Variants in FAM78B observed in about 807,000 individuals in gnomAD.
FAM78B encodes protein FAM78B.
A neutral mutation model predicts 20.0 loss-of-function variants in FAM78B; 10 were observed. That is an observed-to-expected ratio of 0.50 (90% CI 0.31 to 0.85). FAM78B has a LOEUF of 0.85. FAM78B is among the 40% of genes least tolerant of loss of function. The probability of loss-of-function intolerance (pLI) is 0.05; values close to 1 mark genes in which losing one functional copy is unlikely to be tolerated. For missense variants in FAM78B, 283 were observed against 345.0 expected (o/e 0.82, Z 1.42); for synonymous variants, 135 against 132.8 (o/e 1.02, Z -0.12).
At chr1:166,136,108 A>C (rs1032109584) in intron 1 of FAM78B, among the ~76,000 whole-genome samples, 1 of 152,226 alleles carries the variant, frequency 6.6e-6, no homozygotes, top group Admixed American at 6.5e-5. Flanking sequence ...AGGTGGGCTA[A>C]GTACAGTGTC....
At chr1:166,150,190 G>A (rs576740902) in intron 1 of FAM78B, among the ~76,000 whole-genome samples, 1 of 27,288 alleles carries the variant, frequency 3.7e-5, no homozygotes, top group African/African-American at 5.9e-5. Flanking sequence ...GTTGTGCCTA[G>A]TGCACAGTGG....
chr1:166,138,566 T>C (rs1655161650), intron 1 of FAM78B, among the ~76,000 whole-genome samples: 1 of 152,192 alleles, frequency 6.6e-6, no homozygotes. Flanking sequence ...ACATCTTCGC[T>C]AGCCTTAGAT....
At chr1:166,111,268 T>C (rs954792261) in intron 1 of FAM78B, among the ~76,000 whole-genome samples, 5 of 152,270 alleles carry the variant, frequency 3.3e-5, no homozygotes, top group Admixed American at 6.5e-5. Context: ...TTGTCAGAAA[T>C]AGGAACTCTC....
intron 1 of FAM78B, among the ~76,000 whole-genome samples, chr1:166,083,924 T>C (rs532833716): frequency 6.6e-6 from 1 of 151,678 alleles, no homozygotes; most frequent in Admixed American, 6.6e-5. Flanking sequence ...TCAAAAAGGA[T>C]GTTGGCTGGC....
chr1:166,080,937 C>T (rs1314872547), intron 1 of FAM78B, among the ~76,000 whole-genome samples: 1 of 152,194 alleles, frequency 6.6e-6, no homozygotes, highest in Non-Finnish European at 1.5e-5. Context: ...CCACCTGGCC[C>T]CTGAGACCAA....
At chr1:166,106,853 C>T (rs555715507) in intron 1 of FAM78B, among the ~76,000 whole-genome samples, 3 of 152,054 alleles carry the variant, frequency 2.0e-5, no homozygotes, top group East Asian at 3.8e-4. Flanking sequence ...GAAACTTGCA[C>T]ATGTACCCCC....
chr1:166,078,886 C>T (rs1652446037), intron 1 of FAM78B, among the ~76,000 whole-genome samples: 1 of 151,124 alleles, frequency 6.6e-6, no homozygotes, highest in Non-Finnish European at 1.5e-5. Flanking sequence ...GCAGTACTAC[C>T]CTTAGACCCA....
intron 1 of FAM78B, among the ~76,000 whole-genome samples, chr1:166,146,756 A>G (rs894767464): frequency 6.6e-6 from 1 of 152,234 alleles, no homozygotes; most frequent in African/African-American, 2.4e-5. Flanking sequence ...GTCTTAGGGA[A>G]CATCTCAGTC....
intron 1 of FAM78B, chr1:166,164,788 A>G (rs1258482074): frequency 6.6e-6 from 1 of 152,196 alleles, no homozygotes; most frequent in East Asian, 1.9e-4. Context: ...AAATAGACGA[A>G]CCTTGGGAGC....
downstream of FAM78B, among the ~76,000 whole-genome samples, chr1:166,067,898 CTG>C (rs1314502139): frequency 1.3e-5 from 2 of 152,054 alleles, no homozygotes; most frequent in African/African-American, 2.4e-5. Context: ...CTCTGAAAAA[CTG>C]TGATTTTTCA....
intron 1 of FAM78B, among the ~76,000 whole-genome samples, chr1:166,096,869 C>T (rs80151345): frequency 6.6e-6 from 1 of 152,064 alleles, no homozygotes; most frequent in Non-Finnish European, 1.5e-5. Flanking sequence ...TGGTGGATGG[C>T]AGGCAAGACT....
intron 1 of FAM78B, among the ~76,000 whole-genome samples, chr1:166,105,451 A>C (rs1361244929): frequency 6.6e-6 from 1 of 152,120 alleles, no homozygotes; most frequent in Non-Finnish European, 1.5e-5. Flanking sequence ...TTCGCAACCT[A>C]CTCATCTGAC....
chr1:166,070,466 C>A lies in FAM78B; in HGVS notation c.561G>T (p.Gln187His). 6.2e-7 allele frequency: 1 copy of A among 1,614,220 alleles called. No homozygotes were observed. The highest frequency in any genetic ancestry group is 8.5e-7 in the Non-Finnish European group (1 of 1,180,046). ...CCACCCTCATCCTCCACTTGATGGT[C>A]TGCAGAATGATCTTCTCCTTTGTGG... ...NTTTKEKIIL[Q>H]TIKWRMRVDI... The change falls in exon 2 of 2, where the codon CAG (glutamine) becomes CAT (histidine). Residue 187 changes from glutamine to histidine, a missense_variant. By Grantham distance (24) the Gln-to-His change is conservative. Transcript: ENST00000354422.
chr1:166,101,839 A>G (rs946089136), intron 1 of FAM78B, among the ~76,000 whole-genome samples: 2 of 152,168 alleles, frequency 1.3e-5, no homozygotes, highest in Non-Finnish European at 2.9e-5. Flanking sequence ...CCAACATTCA[A>G]ATTCAGGAAA....
chr1:166,164,882 G>A (rs1164201479), intron 1 of FAM78B: 2 of 152,210 alleles, frequency 1.3e-5, no homozygotes, highest in African/African-American at 2.4e-5. Flanking sequence ...GGCTAATTAG[G>A]GTGTTCTAGA....
intron 1 of FAM78B, among the ~76,000 whole-genome samples, chr1:166,161,872 T>C (rs925889559): frequency 7.9e-5 from 12 of 152,216 alleles, no homozygotes; most frequent in Admixed American, 7.9e-4. Flanking sequence ...TCTTTCATTG[T>C]GTCATGTCAT....
At chr1:166,141,908 A>T (rs1271265526) in intron 1 of FAM78B, among the ~76,000 whole-genome samples, 1 of 152,212 alleles carries the variant, frequency 6.6e-6, no homozygotes, top group Non-Finnish European at 1.5e-5. Context: ...ATGAGTACTC[A>T]TCCATATCAT....
At chr1:166,058,859 C>T (rs1651461723) in exon 3 of FAM78B, 2 of 152,554 alleles carry the variant, frequency 1.3e-5, no homozygotes, top group African/African-American at 4.8e-5. Flanking sequence ...TTTGAATGCA[C>T]AGTAGCTGCT....
At chr1:166,096,779 C>T (rs1557898431) in intron 1 of FAM78B, among the ~76,000 whole-genome samples, 1 of 152,184 alleles carries the variant, frequency 6.6e-6, no homozygotes, top group Non-Finnish European at 1.5e-5. Context: ...ACTCCAGAAA[C>T]CAGCCTGGAG....
Sources: allele counts gnomAD v4.1 joint callset (sites outside exome capture counted in the v4.1 genomes callset), GRCh38; gene constraint gnomAD v4.1.1; transcripts MANE v1.5; gene names NCBI Gene and HGNC (gene_info 2026-07-23, HGNC 2026-07-21).